The following CAPN15 variants were observed in gnomAD, a reference collection of about 807,000 sequenced individuals.
CAPN15 encodes calpain 15, also known as calpain-15.
In CAPN15, 53 loss-of-function variants were observed where a neutral mutation model predicts 97.9. The observed-to-expected ratio is 0.54, with a 90% CI of 0.43 to 0.68. CAPN15 has a LOEUF of 0.68. CAPN15 is among the 30% of genes least tolerant of loss of function. CAPN15 has a pLI of 0.00. For missense variants in CAPN15, 1,592 were observed against 1,589.8 expected (o/e 1.00, Z -0.02); for synonymous variants, 922 against 722.5 (o/e 1.28, Z -4.43).
intron 9 of CAPN15, 102 bp downstream of exon 9, chr16:551,766 C>A: frequency 6.8e-7 from 1 of 1,465,870 alleles, no homozygotes. Context: ...TGGGGTGGGG[C>A]GGCTTGTTCG....
rs1417871345 is a variant in CAPN15, at chr16:551,857, G to T, written c.2345+193G>T. On this transcript the variant is annotated intron_variant, in intron 9 of 13. Transcript: ENST00000219611. ...TCCACCCAGGTCAGCAGATTCCAGC[G>T]CCCTGAAGAGCCGGCCCTGGAGGGC... 3 of 965,648 alleles carry T rather than the reference G, an allele frequency of 3.1e-6. No individual in the cohort carries two copies. The South Asian group carries it at 4.2e-5, about 13-fold the overall frequency. 59.8% of individuals were successfully genotyped at this position (965,648 alleles called of 1,614,324 possible).
At chr16:528,613 G>C (rs2033022870) in intron 1 of CAPN15, 1 of 485,332 alleles carries the variant, frequency 2.1e-6, no homozygotes, top group Non-Finnish European at 2.7e-6. Context: ...GGCTGCAGAA[G>C]GGGCCCCTCT....
In CAPN15 at chr16:553,649, C is replaced by A; in HGVS notation, c.*133C>A. The A allele has an allele frequency of 1.7e-6, 1 of 577,316 alleles. No homozygotes were observed. Among genetic ancestry groups the A allele is most frequent in the Non-Finnish European group, 2.9e-6 (1 of 347,710 alleles). The allele number at this position is 577,316 out of a possible 1,614,324, so 35.8% of individuals were successfully genotyped here. On this transcript the variant is annotated 3_prime_UTR_variant, in exon 14 of 14. Transcript: ENST00000219611. ...CGCCCAGGGAGCTGCCAGCCCAGGG[C>A]TCAGCTTCCCATGGGCCCCCCGCCC...
intron 1 of CAPN15, among the ~76,000 whole-genome samples, chr16:530,438 C>T (rs1047999496): frequency 2.0e-5 from 3 of 152,234 alleles, no homozygotes; most frequent in Non-Finnish European, 4.4e-5. Flanking sequence ...GAAAGTAGCA[C>T]AGCAGCCCCT....
chr16:547,249 G>C lies in CAPN15; in HGVS notation c.411G>C (p.Glu137Asp). 6.6e-7 allele frequency: 1 copy of C among 1,513,630 alleles called. No individual in the cohort carries two copies. Among genetic ancestry groups the C allele is most frequent in the Non-Finnish European group, 8.8e-7 (1 of 1,136,900 alleles). 93.8% of individuals were successfully genotyped at this position (1,513,630 alleles called of 1,614,324 possible). A position where few individuals can be genotyped will look rare whatever the true frequency, so the allele number is the denominator to read the frequency against. Residue 137 changes from glutamate to aspartate, a missense_variant, in exon 4 of 14, where the codon GAG becomes GAC. Transcript: ENST00000219611. Reference sequence around the variant, plus strand: ...AGGAGAAGGAGGAGCAGGAGGAGGAGGAGGGAGCGGCGGAGCCCAGAGGGG... The same window carrying C: ...AGGAGAAGGAGGAGCAGGAGGAGGACGAGGGAGCGGCGGAGCCCAGAGGGG... ...DEEEKEEQEE[E>D]EGAAEPRGGW...
chr16:553,052 GC>G lies in CAPN15; in HGVS notation c.3083+15del. 1.1e-6 allele frequency: 1 copy of G among 944,920 alleles called. No homozygotes were observed. The highest frequency in any genetic ancestry group is 4.4e-4 in the Middle Eastern group (1 of 2,296). The allele number at this position is 944,920 out of a possible 1,614,324, so 58.5% of individuals were successfully genotyped here. A position where few individuals can be genotyped will look rare whatever the true frequency, so the allele number is the denominator to read the frequency against. On this transcript the variant is annotated intron_variant, in intron 13 of 13. Coordinates refer to ENST00000219611, the MANE Select transcript of CAPN15 (RefSeq NM_005632.3). ...GCCACCCCTGCACAGGTGCGCCCCCGCCCCTGCCCCCCCACCCCTGCACAGG... is the reference window on the plus strand; with the variant it reads ...GCCACCCCTGCACAGGTGCGCCCCCGCCCTGCCCCCCCACCCCTGCACAGG...
chr16:537,859 C>T (rs991591284), intron 3 of CAPN15: 1 of 152,336 alleles, frequency 6.6e-6, no homozygotes, highest in African/African-American at 2.4e-5. Context: ...TGGACCTCGC[C>T]TGCGTCCTGC....
At position 547,637 on chromosome 16, in the gene CAPN15, C is replaced by T. The variant is rs919011765; in HGVS notation, c.799C>T (p.Pro267Ser). Reference sequence around the variant, plus strand: ...GGTGCCTGAGGCTGCCCAGCCGTCACCCTCTGCCGGCTGCAGGGGAGCCCC... The same window carrying T: ...GGTGCCTGAGGCTGCCCAGCCGTCATCCTCTGCCGGCTGCAGGGGAGCCCC... ...PPVPEAAQPS[P>S]SAGCRGAPQG... The change falls in exon 4 of 14, where the codon CCC becomes TCC. Residue 267 changes from proline (P) to serine (S), a missense_variant. Pro to Ser is a moderately conservative substitution (Grantham distance 74). Transcript: ENST00000219611. The T allele has an allele frequency of 1.9e-6, 3 of 1,569,806 alleles. No individual in the cohort carries two copies. Among genetic ancestry groups the T allele is most frequent in the Non-Finnish European group, 2.6e-6 (3 of 1,159,140 alleles).
intron 3 of CAPN15, among the ~76,000 whole-genome samples, chr16:544,693 C>T (rs1033599546): frequency 7.0e-5 from 10 of 143,642 alleles, no homozygotes; most frequent in East Asian, 6.2e-4. Flanking sequence ...CGGCCCGTCG[C>T]CTCCCCCACG....
At chr16:544,513 C>CGA (rs2034392468) in intron 3 of CAPN15, among the ~76,000 whole-genome samples, 1 of 152,176 alleles carries the variant, frequency 6.6e-6, no homozygotes, top group African/African-American at 2.4e-5. Flanking sequence ...CCGGCTGCTT[C>CGA]AGGGCGGGCT....
chr16:531,096 G>A (rs577231441), intron 1 of CAPN15, among the ~76,000 whole-genome samples: 73 of 152,392 alleles, frequency 4.8e-4, no homozygotes, highest in African/African-American at 1.7e-3. Context: ...AGTGACTGCA[G>A]CGTCTGCTCC....
At chr16:544,695 TC>T (rs1377152589) in intron 3 of CAPN15, among the ~76,000 whole-genome samples, 1 of 126,760 alleles carries the variant, frequency 7.9e-6, no homozygotes. Flanking sequence ...GCCCGTCGCC[TC>T]CCCCACGTCG....
chr16:531,361 C>T (rs924816623), intron 1 of CAPN15, among the ~76,000 whole-genome samples: 3 of 152,220 alleles, frequency 2.0e-5, no homozygotes, highest in Non-Finnish European at 4.4e-5. Context: ...CCACACCCAG[C>T]CTCTGCCCTT....
rs1451897354 is a variant in CAPN15, at chr16:537,162, G to A, written c.-23+1020G>A. On this transcript the variant is annotated intron_variant, in intron 3 of 13. Transcript: ENST00000219611. ...CCTCTCTTCTCTTCCGAGCACCCAC[G>A]GGAGGGGACTGTGCTGTCCCTGCTC... The A allele has an allele frequency of 8.1e-6, 8 of 985,370 alleles. No individual in the cohort carries two copies. In the Admixed American group the frequency reaches 3.7e-4, roughly 45 times the overall value. The allele number at this position is 985,370 out of a possible 1,614,324, so 61.0% of individuals were successfully genotyped here. A position where few individuals can be genotyped will look rare whatever the true frequency, so the allele number is the denominator to read the frequency against.
At chr16:531,733 A>G (rs13331874) in intron 1 of CAPN15, among the ~76,000 whole-genome samples, 10,866 of 134,362 alleles carry the variant, frequency 0.081, 1,601 homozygotes, top group African/African-American at 0.3. Context: ...CTTCTCTGGG[A>G]TGACAGGTGC....
Position 552,972 on chromosome 16 carries a change from C to T in CAPN15, c.3014C>T (p.Thr1005Ile). ...TACCTGCACGTGCAGTGTGACTGCA[C>T]CGACAGCTTCAACGTGGTGTCCACA... is the stretch of plus-strand genomic sequence containing the variant. ...KAYLHVQCDC[T>I]DSFNVVSTRG... The change falls in exon 13 of 14, where the codon ACC becomes ATC. Residue 1005 changes from threonine (T) to isoleucine (I), a missense_variant. Physicochemically the swap from Thr to Ile is moderately conservative, Grantham distance 89. Transcript: ENST00000219611. The surrounding 1 kb of genome is among the most constrained non-coding windows in gnomAD (Gnocchi z 6.4). The T allele has an allele frequency of 1.9e-6, 3 of 1,611,774 alleles. No individual in the cohort carries two copies. The highest frequency in any genetic ancestry group is 2.5e-6 in the Non-Finnish European group (3 of 1,179,352).
Position 552,800 on chromosome 16 carries a change from G to T in CAPN15, c.2904+29G>T. 1 of 1,525,940 alleles carries T rather than the reference G, an allele frequency of 6.6e-7. No homozygotes were observed. Among genetic ancestry groups the T allele is most frequent in the Non-Finnish European group, 8.8e-7 (1 of 1,134,968 alleles). 94.5% of individuals were successfully genotyped at this position (1,525,940 alleles called of 1,614,324 possible). On this transcript the variant is annotated intron_variant, in intron 12 of 13. Transcript: ENST00000219611. The surrounding 1 kb of genome is among the most constrained non-coding windows in gnomAD (Gnocchi z 6.4). ...GGTGGGGGTCCCGGGGGAGGGTGGC[G>T]TGGGGCAGGGGGAGTATGCCCCAGC...
At chr16:534,047 T>C in intron 2 of CAPN15, 49 bp downstream of exon 2, 3 of 924,728 alleles carry the variant, frequency 3.2e-6, no homozygotes, top group Non-Finnish European at 3.9e-6. Context: ...TTGCTTGCGC[T>C]GCAGAACTGT....
At chr16:537,230 G>T in intron 3 of CAPN15, 4 of 985,534 alleles carry the variant, frequency 4.1e-6, no homozygotes, top group Non-Finnish European at 3.6e-6. Context: ...GGCCCACAGG[G>T]TCAGTTGCCT....
Sources: allele counts gnomAD v4.1 joint callset (sites outside exome capture counted in the v4.1 genomes callset), GRCh38; gene constraint gnomAD v4.1.1; non-coding constraint Gnocchi (gnomAD v3.1); transcripts MANE v1.5; gene names NCBI Gene and HGNC (gene_info 2026-07-23, HGNC 2026-07-21).